The following ENOX1 variants were observed in gnomAD, a reference collection of about 807,000 sequenced individuals.
ENOX1 encodes candidate growth-related and time keeping constitutive hydroquinone (NADH) oxidase.
Under a neutral mutation model 82.5 loss-of-function variants are expected in ENOX1, and 42 were observed. The ratio of observed to expected loss-of-function variants is 0.51; its 90% CI spans 0.40 to 0.66. The LOEUF is 0.66. Among genes scored for constraint, ENOX1 ranks in the 30% least tolerant of loss-of-function variants. ENOX1 has a pLI of 0.00. For missense variants in ENOX1, 608 were observed against 811.6 expected (o/e 0.75, Z 3.05); for synonymous variants, 271 against 282.2 (o/e 0.96, Z 0.40).
intron 3 of ENOX1, among the ~76,000 whole-genome samples, chr13:43,461,445 G>GAT (rs1031362901): frequency 4.3e-4 from 66 of 152,174 alleles, no homozygotes; most frequent in African/African-American, 1.5e-3. Context: ...ACCATCTATT[G>GAT]ATATATATAT....
intron 2 of ENOX1, among the ~76,000 whole-genome samples, chr13:43,525,509 T>A (rs1281674233): frequency 6.6e-6 from 1 of 152,186 alleles, no homozygotes; most frequent in South Asian, 2.1e-4. Flanking sequence ...AAAGTAGAAC[T>A]GCTGGATCAT....
chr13:43,664,472 G>C (rs902580938), intron 2 of ENOX1, among the ~76,000 whole-genome samples: 3 of 152,222 alleles, frequency 2.0e-5, no homozygotes, highest in Admixed American at 6.5e-5. Context: ...ACACACTGTA[G>C]AGTACTTCAC....
chr13:43,247,850 TATATATATA>T (rs2043177311), intron 14 of ENOX1, among the ~76,000 whole-genome samples: 1 of 2,192 alleles, frequency 4.6e-4, no homozygotes, highest in Non-Finnish European at 2.5e-3. Context: ...TATATATATA[TATATATATA>T]TATATATATA....
chr13:43,604,350 T>C (rs1211175650), intron 2 of ENOX1, among the ~76,000 whole-genome samples: 2 of 152,190 alleles, frequency 1.3e-5, no homozygotes, highest in African/African-American at 4.8e-5. Flanking sequence ...TTCACTCTGA[T>C]GGTAGTATTG....
intron 2 of ENOX1, among the ~76,000 whole-genome samples, chr13:43,537,763 C>A (rs2078528392): frequency 6.6e-6 from 1 of 152,194 alleles, no homozygotes; most frequent in Non-Finnish European, 1.5e-5. Flanking sequence ...TCTATTTTCT[C>A]ACGATATACC....
At chr13:43,548,917 T>C (rs571337716) in intron 2 of ENOX1, among the ~76,000 whole-genome samples, 4 of 152,256 alleles carry the variant, frequency 2.6e-5, no homozygotes, top group African/African-American at 7.2e-5. Flanking sequence ...TTCCATGGAA[T>C]TGTTTACTTG....
chr13:43,536,661 C>T (rs1483488165), intron 2 of ENOX1, among the ~76,000 whole-genome samples: 2 of 152,176 alleles, frequency 1.3e-5, no homozygotes, highest in Non-Finnish European at 2.9e-5. Flanking sequence ...GCATGACAGC[C>T]TTCTTCCTTC....
intron 5 of ENOX1, among the ~76,000 whole-genome samples, chr13:43,383,077 G>T (rs988150691): frequency 5.9e-5 from 9 of 152,064 alleles, no homozygotes; most frequent in Non-Finnish European, 1.2e-4. Context: ...AGCATATTGG[G>T]GATTATGGAT....
At chr13:43,679,410 T>C (rs1423424174) in intron 1 of ENOX1, among the ~76,000 whole-genome samples, 8 of 152,192 alleles carry the variant, frequency 5.3e-5, no homozygotes, top group Admixed American at 5.2e-4. Flanking sequence ...ACACACGTTT[T>C]GGTAAAAGCT....
At chr13:43,413,233 C>T (rs2054242872) in intron 3 of ENOX1, among the ~76,000 whole-genome samples, 1 of 152,178 alleles carries the variant, frequency 6.6e-6, no homozygotes, top group African/African-American at 2.4e-5. Context: ...GAATAAACAG[C>T]CCCATTTGTG....
At chr13:43,220,128 G>C (rs2041711331) in intron 16 of ENOX1, among the ~76,000 whole-genome samples, 1 of 152,128 alleles carries the variant, frequency 6.6e-6, no homozygotes, top group South Asian at 2.1e-4. Context: ...CAAGAAGTCA[G>C]GAATTCGAAG....
chr13:43,397,899 T>A (rs1241095366), intron 5 of ENOX1, among the ~76,000 whole-genome samples: 1 of 152,230 alleles, frequency 6.6e-6, no homozygotes, highest in Admixed American at 6.5e-5. Flanking sequence ...TTTTGGAGGC[T>A]AAGAAGTCCA....
intron 12 of ENOX1, among the ~76,000 whole-genome samples, chr13:43,271,744 C>T (rs1258938456): frequency 6.6e-6 from 1 of 151,942 alleles, no homozygotes; most frequent in Admixed American, 6.6e-5. Flanking sequence ...TTTTAGCCTC[C>T]CTCTTATCTC....
At chr13:43,748,967 T>G (rs1250614407) in intron 1 of ENOX1, among the ~76,000 whole-genome samples, 1 of 152,178 alleles carries the variant, frequency 6.6e-6, no homozygotes, top group Non-Finnish European at 1.5e-5. Context: ...TTACTTAATT[T>G]CTCTGAGGTT....
At chr13:43,214,826 C>T (rs1282329093) in intron 16 of ENOX1, among the ~76,000 whole-genome samples, 1 of 152,154 alleles carries the variant, frequency 6.6e-6, no homozygotes, top group Non-Finnish European at 1.5e-5. Context: ...CCTGTGTTAG[C>T]ATGCCAATCC....
At chr13:43,660,158 T>C (rs2084650218) in intron 2 of ENOX1, among the ~76,000 whole-genome samples, 1 of 152,198 alleles carries the variant, frequency 6.6e-6, no homozygotes, top group East Asian at 1.9e-4. Flanking sequence ...GCTTACCTTT[T>C]TCCTTTCTCC....
At chr13:43,635,365 C>G (rs2153752500) in intron 2 of ENOX1, among the ~76,000 whole-genome samples, 1 of 152,244 alleles carries the variant, frequency 6.6e-6, no homozygotes, top group East Asian at 1.9e-4. Flanking sequence ...ATCCTTTCTA[C>G]TGATGAGCAT....
chr13:43,336,442 G>A (rs1173780069), intron 9 of ENOX1, among the ~76,000 whole-genome samples: 1 of 152,370 alleles, frequency 6.6e-6, no homozygotes, highest in East Asian at 1.9e-4. Context: ...TGACAGTGGA[G>A]AACTGTCAGT....
At chr13:43,247,474 A>G (rs1326470320) in intron 14 of ENOX1, among the ~76,000 whole-genome samples, 1 of 152,044 alleles carries the variant, frequency 6.6e-6, no homozygotes, top group Non-Finnish European at 1.5e-5. Context: ...AGGTCTGCAC[A>G]ATGGAAGCGT....
Sources: gnomAD v4.1 joint callset for allele counts (sites outside exome capture counted in the v4.1 genomes callset) on GRCh38, gnomAD v4.1.1 for gene constraint, MANE v1.5 for transcripts, NCBI Gene and HGNC (gene_info 2026-07-23, HGNC 2026-07-21) for gene names.